ARHGEF4: variants seen among roughly 807,000 people sequenced by gnomAD.
ARHGEF4 encodes the protein Rho guanine nucleotide exchange factor 4, also known as APC-stimulated guanine nucleotide exchange factor 1.
A neutral mutation model predicts 162.0 loss-of-function variants in ARHGEF4; 119 were observed. That is an observed-to-expected ratio of 0.73 (90% confidence interval 0.63 to 0.86). ARHGEF4 has a LOEUF of 0.86. ARHGEF4 is among the 40% of genes least tolerant of loss of function. The probability of loss-of-function intolerance (pLI) is 0.00; values close to 1 mark genes in which losing one functional copy is unlikely to be tolerated. For synonymous variants in ARHGEF4, 1,014 were observed against 979.9 expected (o/e 1.03, Z -0.65); for missense variants, 2,488 against 2,456.0 (o/e 1.01, Z -0.28).
At chr2:130,874,873 A>G (rs1421245310) in intron 1 of ARHGEF4, among the ~76,000 whole-genome samples, 2 of 152,178 alleles carry the variant, frequency 1.3e-5, no homozygotes, top group African/African-American at 4.8e-5. Context: ...TCCATATAGT[A>G]TGTACCATTT....
intron 4 of ARHGEF4, among the ~76,000 whole-genome samples, chr2:130,996,140 G>A (rs547466076): frequency 6.6e-5 from 10 of 151,946 alleles, no homozygotes; most frequent in African/African-American, 1.2e-4. Flanking sequence ...CACCTGCCTC[G>A]GCCTCCCAAA....
At chr2:131,038,051 G>A (rs73960399) in intron 5 of ARHGEF4, among the ~76,000 whole-genome samples, 21,643 of 152,216 alleles carry the variant, frequency 0.14, 1,998 homozygotes, top group African/African-American at 0.26. Flanking sequence ...TGGGATGGGA[G>A]CAGGGGTGCC....
chr2:130,908,153 G>A (rs764485572), intron 1 of ARHGEF4, among the ~76,000 whole-genome samples: 3 of 151,934 alleles, frequency 2.0e-5, no homozygotes, highest in Non-Finnish European at 2.9e-5. Context: ...AATTCTCACT[G>A]TAGAGATCTT....
intron 4 of ARHGEF4, among the ~76,000 whole-genome samples, chr2:130,971,423 G>A (rs896572478): frequency 6.6e-6 from 1 of 152,138 alleles, no homozygotes; most frequent in African/African-American, 2.4e-5. Context: ...CCTTTGGGAG[G>A]CTCAGGCGGG....
At chr2:130,870,602 C>T (rs530344468) in intron 1 of ARHGEF4, among the ~76,000 whole-genome samples, 1 of 152,308 alleles carries the variant, frequency 6.6e-6, no homozygotes, top group African/African-American at 2.4e-5. Context: ...AATGAAACAA[C>T]TGCCCCAGTT....
intron 2 of ARHGEF4, among the ~76,000 whole-genome samples, chr2:130,926,735 A>G (rs1336043322): frequency 6.6e-6 from 1 of 151,826 alleles, no homozygotes; most frequent in Non-Finnish European, 1.5e-5. Context: ...GAAAGAGGAA[A>G]GAAACACAAA....
chr2:130,940,918 A>C (rs918755344), intron 3 of ARHGEF4, among the ~76,000 whole-genome samples: 2 of 151,672 alleles, frequency 1.3e-5, no homozygotes, highest in African/African-American at 4.8e-5. Flanking sequence ...AGAGAGATGG[A>C]TGGCAAGAGT....
intron 1 of ARHGEF4, among the ~76,000 whole-genome samples, chr2:130,882,505 C>G (rs928303297): frequency 6.6e-6 from 1 of 152,020 alleles, no homozygotes. Flanking sequence ...ACTAATCCCA[C>G]TCATGAGGGC....
At chr2:130,882,933 C>T (rs1163642946) in intron 1 of ARHGEF4, among the ~76,000 whole-genome samples, 5 of 151,908 alleles carry the variant, frequency 3.3e-5, no homozygotes, top group Non-Finnish European at 7.4e-5. Context: ...ATTTTAGCTC[C>T]TGTTTTTATT....
chr2:130,965,846 C>A (rs1684966014), intron 4 of ARHGEF4, among the ~76,000 whole-genome samples: 1 of 152,112 alleles, frequency 6.6e-6, no homozygotes, highest in Non-Finnish European at 1.5e-5. Context: ...AACAGCGATG[C>A]TTGCATGAAG....
chr2:131,014,292 C>T (rs6738931), intron 4 of ARHGEF4, among the ~76,000 whole-genome samples: 2,450 of 152,284 alleles, frequency 0.016, 73 homozygotes, highest in African/African-American at 0.055. Flanking sequence ...TTCACATTTG[C>T]CTAACATAAC....
At chr2:131,039,472 G>A (rs1192354345) in intron 6 of ARHGEF4, 1 of 1,022,756 alleles carries the variant, frequency 9.8e-7, no homozygotes, top group African/African-American at 1.7e-5. Context: ...TCCATCTAAG[G>A]GGGTCTCCAG....
At chr2:130,929,028 A>C (rs1682470260) in intron 2 of ARHGEF4, among the ~76,000 whole-genome samples, 1 of 152,052 alleles carries the variant, frequency 6.6e-6, no homozygotes, top group Non-Finnish European at 1.5e-5. Context: ...TCCATTTTTC[A>C]CCCATTCCCA....
intron 1 of ARHGEF4, among the ~76,000 whole-genome samples, chr2:130,855,648 C>T (rs759730671): frequency 6.6e-6 from 1 of 152,194 alleles, no homozygotes; most frequent in Non-Finnish European, 1.5e-5. Flanking sequence ...ACTATTCAGA[C>T]TCCAGTCCCC....
intron 4 of ARHGEF4, among the ~76,000 whole-genome samples, chr2:130,988,891 T>TAGAGAG (rs1480358392): frequency 1.5e-4 from 17 of 116,258 alleles, no homozygotes; most frequent in East Asian, 7.0e-4. Context: ...TATATATATA[T>TAGAGAG]ATATATATAT....
chr2:130,854,905 A>T (rs530416825), intron 1 of ARHGEF4, among the ~76,000 whole-genome samples: 20 of 151,028 alleles, frequency 1.3e-4, no homozygotes, highest in Admixed American at 4.6e-4. Context: ...ACAGAGTCTC[A>T]CTCTGTCGCC....
intron 3 of ARHGEF4, among the ~76,000 whole-genome samples, chr2:130,937,936 G>A (rs751135034): frequency 2.0e-5 from 3 of 152,090 alleles, no homozygotes; most frequent in Non-Finnish European, 2.9e-5. Flanking sequence ...CAAAGTGCTG[G>A]GATTACAGGC....
intron 1 of ARHGEF4, among the ~76,000 whole-genome samples, 175 bp downstream of exon 1, chr2:130,837,167 G>A (rs1680252078): frequency 6.6e-6 from 1 of 152,130 alleles, no homozygotes; most frequent in Admixed American, 6.5e-5. Context: ...ACCGGAGGCG[G>A]CGTCCTGCAA....
intron 4 of ARHGEF4, among the ~76,000 whole-genome samples, chr2:131,015,241 CT>C (rs1190212539): frequency 1.3e-5 from 2 of 152,208 alleles, no homozygotes; most frequent in Non-Finnish European, 2.9e-5. Flanking sequence ...CTGTAGATGG[CT>C]CAGGGTTTCT....
Sources: allele counts gnomAD v4.1 joint callset (sites outside exome capture counted in the v4.1 genomes callset), GRCh38; gene constraint gnomAD v4.1.1; transcripts MANE v1.5; gene names NCBI Gene and HGNC (gene_info 2026-07-23, HGNC 2026-07-21).